The following CDH13 variants were observed in gnomAD, a reference collection of about 807,000 sequenced individuals.
CDH13 encodes the protein cadherin-13.
A neutral mutation model predicts 63.8 loss-of-function variants in CDH13; 24 were observed. The observed-to-expected ratio is 0.38, with a 90% CI of 0.27 to 0.53. The LOEUF (loss-of-function observed/expected upper bound fraction) is 0.53. Ranked by LOEUF, CDH13 falls within the 20% of genes least tolerant of loss-of-function variation. The pLI is 0.85. For synonymous variants in CDH13, 503 were observed against 355.3 expected (o/e 1.42, Z -4.67); for missense variants, 1,049 against 903.1 (o/e 1.16, Z -2.07).
At position 82,700,964 on chromosome 16, in the gene CDH13, C is replaced by T. The variant is rs866619119; in HGVS notation, c.45+73827C>T. Among the ~76,000 whole-genome samples the T allele has an allele frequency of 4.5e-3, 178 of 39,998 alleles. 28 individuals carry two copies. Among genetic ancestry groups the T allele is most frequent in the African/African-American group, 0.012 (173 of 14,306 alleles). 26.2% of individuals were successfully genotyped at this position (39,998 alleles called of 152,430 possible). On this transcript the variant is annotated intron_variant, in intron 1 of 13. Transcript: ENST00000567109. ...GTAAGTGCTGGAACCCGCCCCCCCC[C>T]CCCCCCCCCCGCCCCGGGCATCTCC...
chr16:83,094,580 C>G (rs190880326), intron 3 of CDH13, among the ~76,000 whole-genome samples: 1 of 152,184 alleles, frequency 6.6e-6, no homozygotes, highest in Non-Finnish European at 1.5e-5. Context: ...GAGGTGCTGT[C>G]TTCAGCAGAA....
chr16:82,704,970 A>T, intron 1 of CDH13: 1 of 352,656 alleles, frequency 2.8e-6, no homozygotes, highest in Non-Finnish European at 5.6e-6. Context: ...TTGGGAGACA[A>T]TGTCTCTTGC....
intron 4 of CDH13, among the ~76,000 whole-genome samples, chr16:83,137,814 T>G (rs1205135068): frequency 1.3e-5 from 2 of 152,060 alleles, no homozygotes; most frequent in Non-Finnish European, 2.9e-5. Flanking sequence ...TGAAGAGGAT[T>G]GAAGTAGAAC....
intron 5 of CDH13, among the ~76,000 whole-genome samples, chr16:83,340,402 G>A (rs1263178606): frequency 2.0e-5 from 3 of 152,074 alleles, no homozygotes; most frequent in African/African-American, 7.2e-5. Context: ...TGGGAGTGGT[G>A]AATGAGTCCA....
intron 2 of CDH13, among the ~76,000 whole-genome samples, chr16:82,962,667 T>C (rs575476976): frequency 3.2e-4 from 48 of 152,258 alleles, no homozygotes; most frequent in African/African-American, 1.2e-3. Flanking sequence ...AGGGAAGTCA[T>C]GAAGGCCAAG....
chr16:83,304,183 C>T (rs189545560), intron 5 of CDH13, among the ~76,000 whole-genome samples: 1 of 152,088 alleles, frequency 6.6e-6, no homozygotes, highest in Non-Finnish European at 1.5e-5. Flanking sequence ...AAGACTCTTA[C>T]CAGCCATAAG....
chr16:83,287,131 C>A (rs1028497520), intron 5 of CDH13, among the ~76,000 whole-genome samples: 1 of 152,228 alleles, frequency 6.6e-6, no homozygotes, highest in East Asian at 1.9e-4. Flanking sequence ...GTTCATTCTG[C>A]AAATGTCAGT....
At chr16:82,772,218 C>G (rs551512874) in intron 1 of CDH13, among the ~76,000 whole-genome samples, 1 of 152,242 alleles carries the variant, frequency 6.6e-6, no homozygotes, top group East Asian at 1.9e-4. Flanking sequence ...GCCAACATTA[C>G]AAATTAGGGC....
chr16:83,644,782 C>T (rs1474458270), intron 8 of CDH13, among the ~76,000 whole-genome samples: 2 of 152,138 alleles, frequency 1.3e-5, no homozygotes, highest in Non-Finnish European at 2.9e-5. Flanking sequence ...ATCCCAAAGG[C>T]CACAGCAATT....
chr16:83,183,713 T>A (rs2038420851), intron 4 of CDH13, among the ~76,000 whole-genome samples: 1 of 152,212 alleles, frequency 6.6e-6, no homozygotes, highest in Non-Finnish European at 1.5e-5. Flanking sequence ...CTCAGGTGAG[T>A]GCTTTATATG....
chr16:83,048,642 C>G (rs1457847640), intron 3 of CDH13, among the ~76,000 whole-genome samples: 7 of 152,090 alleles, frequency 4.6e-5, no homozygotes, highest in Non-Finnish European at 4.4e-5. Context: ...TCTGAGTACC[C>G]CTAACTCCTT....
chr16:83,324,330 C>T (rs1820255), intron 5 of CDH13, among the ~76,000 whole-genome samples: 84,450 of 152,040 alleles, frequency 0.56, 23,476 homozygotes, highest in South Asian at 0.63. Flanking sequence ...CCACTGCTCC[C>T]GGCCTCTGCA....
chr16:82,791,526 C>G (rs954868404), intron 1 of CDH13, among the ~76,000 whole-genome samples: 3 of 152,164 alleles, frequency 2.0e-5, no homozygotes. Flanking sequence ...TGTTTTCACT[C>G]TGTTAAATCT....
intron 11 of CDH13, among the ~76,000 whole-genome samples, chr16:83,757,763 G>A (rs1004096681): frequency 6.6e-6 from 1 of 151,854 alleles, no homozygotes; most frequent in Non-Finnish European, 1.5e-5. Context: ...TATTATGAAC[G>A]GCATTATGCA....
At chr16:82,636,691 C>G (rs1351960396) in intron 1 of CDH13, among the ~76,000 whole-genome samples, 1 of 152,260 alleles carries the variant, frequency 6.6e-6, no homozygotes, top group South Asian at 2.1e-4. Context: ...AACTGGGTGC[C>G]AGGCAGTGGT....
chr16:83,532,979 T>G (rs2075113058), intron 7 of CDH13, among the ~76,000 whole-genome samples: 1 of 152,220 alleles, frequency 6.6e-6, no homozygotes, highest in Non-Finnish European at 1.5e-5. Flanking sequence ...AAACTCGTGG[T>G]GACAGAGCTC....
chr16:83,028,605 A>T (rs1364770281), intron 2 of CDH13, among the ~76,000 whole-genome samples: 3 of 152,212 alleles, frequency 2.0e-5, no homozygotes, highest in East Asian at 3.9e-4. Flanking sequence ...AACCCTATAT[A>T]TGCTAATTTG....
intron 3 of CDH13, among the ~76,000 whole-genome samples, chr16:83,075,067 C>T (rs2032727643): frequency 6.6e-6 from 1 of 152,160 alleles, no homozygotes; most frequent in Non-Finnish European, 1.5e-5. Flanking sequence ...TTGGGTCCAG[C>T]ATCCTTGACC....
At chr16:82,727,759 T>G (rs965256092) in intron 1 of CDH13, 6 of 152,162 alleles carry the variant, frequency 3.9e-5, no homozygotes, top group Admixed American at 2.0e-4. Context: ...GTGATCAGTT[T>G]CCAAAGTTCT....
Sources: gnomAD v4.1 joint callset for allele counts (sites outside exome capture counted in the v4.1 genomes callset) on GRCh38, gnomAD v4.1.1 for gene constraint, MANE v1.5 for transcripts, NCBI Gene and HGNC (gene_info 2026-07-23, HGNC 2026-07-21) for gene names.